The following SHANK2 variants were observed in gnomAD, a reference collection of about 807,000 sequenced individuals.
SHANK2 encodes the protein SH3 and multiple ankyrin repeat domains 2, also known as SH3 and multiple ankyrin repeat domains protein 2.
In SHANK2, 43 loss-of-function variants were observed where a neutral mutation model predicts 133.7. That is an observed-to-expected ratio of 0.32 (90% CI 0.25 to 0.41). The LOEUF is 0.41. Ranked by LOEUF, SHANK2 falls within the 10% of genes least tolerant of loss-of-function variation. The probability of loss-of-function intolerance (pLI) is 1.00; values close to 1 mark genes in which losing one functional copy is unlikely to be tolerated. For missense variants in SHANK2, 1,994 were observed against 2,235.8 expected (o/e 0.89, Z 2.18); for synonymous variants, 1,017 against 952.8 (o/e 1.07, Z -1.24).
chr11:71,177,483 T>C (rs1230358415), intron 2 of SHANK2, among the ~76,000 whole-genome samples: 6 of 152,140 alleles, frequency 3.9e-5, no homozygotes, highest in Non-Finnish European at 8.8e-5. Context: ...AAGATAAAGA[T>C]TTATGCTATG....
At chr11:70,599,515 G>A (rs1275698766) in intron 17 of SHANK2, among the ~76,000 whole-genome samples, 3 of 130,538 alleles carry the variant, frequency 2.3e-5, no homozygotes, top group African/African-American at 8.2e-5. Context: ...GCTGAGGCAG[G>A]AGAATGGCGT....
intron 6 of SHANK2, among the ~76,000 whole-genome samples, chr11:71,101,497 G>A (rs1951715847): frequency 6.6e-6 from 1 of 152,204 alleles, no homozygotes; most frequent in African/African-American, 2.4e-5. Context: ...TTATTTACTC[G>A]AAGTCTTCCA....
chr11:70,470,224 G>T lies in SHANK2; in HGVS notation c.*2645C>A, dbSNP rs1421759151. ...GCAACATGTGTTTATTTGTTGGTCA[G>T]TGCAGGTTCTGATAGGTCTATTACT... is the stretch of plus-strand genomic sequence containing the variant. On this transcript the variant is annotated 3_prime_UTR_variant, in exon 26 of 26. Coordinates refer to ENST00000601538, the MANE Select transcript of SHANK2 (RefSeq NM_012309.5). The T allele has an allele frequency of 1.3e-5, 2 of 152,500 alleles. No individual in the cohort carries two copies. The highest frequency in any genetic ancestry group is 3.8e-4 in the East Asian group (2 of 5,204). 9.4% of individuals were successfully genotyped at this position (152,500 alleles called of 1,614,324 possible). A position where few individuals can be genotyped will look rare whatever the true frequency, so the allele number is the denominator to read the frequency against.
At chr11:70,502,753 C>T (rs782144645) in intron 18 of SHANK2, 43 bp downstream of exon 18, 3 of 1,393,046 alleles carry the variant, frequency 2.2e-6, no homozygotes, top group African/African-American at 1.5e-5. Context: ...CCCCCCCCCC[C>T]AGTAGGGCCC....
At chr11:71,122,620 C>T (rs1952101028) in intron 3 of SHANK2, among the ~76,000 whole-genome samples, 1 of 152,110 alleles carries the variant, frequency 6.6e-6, no homozygotes, top group South Asian at 2.1e-4. Context: ...ACATTGTGCA[C>T]ATGTACCCTA....
intron 14 of SHANK2, among the ~76,000 whole-genome samples, chr11:70,758,111 G>T (rs1359038173): frequency 3.3e-5 from 5 of 152,210 alleles, no homozygotes; most frequent in African/African-American, 7.2e-5. Flanking sequence ...TCACTAAAAT[G>T]CTAATTAGGC....
intron 8 of SHANK2, among the ~76,000 whole-genome samples, chr11:71,078,144 CTTG>C (rs1433683617): frequency 1.8e-4 from 27 of 146,736 alleles, no homozygotes; most frequent in Middle Eastern, 6.9e-3. Flanking sequence ...CTTGAAATAT[CTTG>C]TTGTGCCAGA....
At chr11:70,800,372 C>T (rs1418351549) in intron 13 of SHANK2, among the ~76,000 whole-genome samples, 5 of 152,186 alleles carry the variant, frequency 3.3e-5, no homozygotes, top group Admixed American at 3.3e-4. Flanking sequence ...GCCCTCAACA[C>T]CTTCACTCCC....
chr11:70,799,157 G>A (rs905835773), intron 13 of SHANK2, among the ~76,000 whole-genome samples: 3 of 151,958 alleles, frequency 2.0e-5, no homozygotes, highest in Admixed American at 6.6e-5. Flanking sequence ...CAGCACTTTG[G>A]GGGGCCGAGG....
chr11:71,206,232 C>T (rs1047427711), intron 2 of SHANK2, among the ~76,000 whole-genome samples: 2 of 152,214 alleles, frequency 1.3e-5, no homozygotes, highest in Non-Finnish European at 2.9e-5. Flanking sequence ...GGCACACACA[C>T]AGAGCGACTC....
intron 10 of SHANK2, among the ~76,000 whole-genome samples, chr11:70,900,156 C>T (rs1209540049): frequency 6.6e-6 from 1 of 151,986 alleles, no homozygotes; most frequent in Non-Finnish European, 1.5e-5. Flanking sequence ...GAGATGGAGA[C>T]CATCCTGGCC....
At chr11:71,193,013 A>G (rs1233631904) in intron 2 of SHANK2, among the ~76,000 whole-genome samples, 2 of 152,254 alleles carry the variant, frequency 1.3e-5, no homozygotes, top group Non-Finnish European at 2.9e-5. Context: ...AGAAGTCTGC[A>G]AAACCAAACC....
intron 11 of SHANK2, among the ~76,000 whole-genome samples, chr11:70,875,747 T>TG (rs1201136001): frequency 2.0e-5 from 3 of 150,054 alleles, no homozygotes; most frequent in African/African-American, 7.4e-5. Flanking sequence ...CCCAGCTACT[T>TG]GGGGGGCTGA....
At chr11:70,554,106 G>A (rs1316235805) in intron 17 of SHANK2, among the ~76,000 whole-genome samples, 3 of 152,230 alleles carry the variant, frequency 2.0e-5, no homozygotes, top group South Asian at 2.1e-4. Context: ...GGTAGGAACA[G>A]CCTGTGCTGA....
chr11:70,508,382 C>T (rs1382817233), intron 17 of SHANK2, among the ~76,000 whole-genome samples: 11 of 152,210 alleles, frequency 7.2e-5, no homozygotes, highest in Non-Finnish European at 1.3e-4. Flanking sequence ...AGTCCTGGGG[C>T]GGGGCAGAGT....
chr11:71,135,942 G>A (rs1952431196), intron 3 of SHANK2, among the ~76,000 whole-genome samples: 1 of 152,144 alleles, frequency 6.6e-6, no homozygotes, highest in Non-Finnish European at 1.5e-5. Context: ...TGGTGATGAA[G>A]GCTGAGGGAA....
chr11:70,798,473 C>T lies in SHANK2; in HGVS notation c.1747G>A (p.Val583Ile), dbSNP rs1480710698. Reference sequence around the variant, plus strand: ...TGGCTGTCCCTGGGCTTACACTGGACCTCCTCCACGCACTCCGCCGGAAAC... The same window carrying T: ...TGGCTGTCCCTGGGCTTACACTGGATCTCCTCCACGCACTCCGCCGGAAAC... ...GWFPAECVEEVQCKPRDSQAE... is the reference protein window; with the variant it reads ...GWFPAECVEEIQCKPRDSQAE... Residue 583 changes from valine to isoleucine, a missense_variant, in exon 14 of 26, where the codon GTC (valine) becomes ATC (isoleucine). Transcript: ENST00000601538. 1 of 718,392 alleles carries T rather than the reference C, an allele frequency of 1.4e-6. No individual in the cohort carries two copies. The highest frequency in any genetic ancestry group is 2.6e-6 in the Non-Finnish European group (1 of 385,110). 44.5% of individuals were successfully genotyped at this position (718,392 alleles called of 1,614,324 possible).
At chr11:71,105,737 C>T (rs534725453) in intron 6 of SHANK2, among the ~76,000 whole-genome samples, 11 of 151,508 alleles carry the variant, frequency 7.3e-5, no homozygotes, top group Admixed American at 3.9e-4. Flanking sequence ...AAACTGACAA[C>T]GTACAACACC....
At chr11:70,926,049 G>C (rs1479870763) in intron 10 of SHANK2, among the ~76,000 whole-genome samples, 1 of 152,084 alleles carries the variant, frequency 6.6e-6, no homozygotes, top group Non-Finnish European at 1.5e-5. Context: ...GAGGCAGGTG[G>C]ATTGCTTGAA....
Sources: allele counts gnomAD v4.1 joint callset (sites outside exome capture counted in the v4.1 genomes callset), GRCh38; gene constraint gnomAD v4.1.1; transcripts MANE v1.5; gene names NCBI Gene and HGNC (gene_info 2026-07-23, HGNC 2026-07-21).